NEBL: variants seen among roughly 807,000 people sequenced by gnomAD.
NEBL encodes nebulette.
NEBL carries 122 observed loss-of-function variants against 140.2 expected under a neutral mutation model. The ratio of observed to expected loss-of-function variants is 0.87; its 90% CI spans 0.75 to 1.01. NEBL has a LOEUF of 1.01. Among genes scored for constraint, NEBL ranks in the 50% least tolerant of loss-of-function variants. NEBL has a pLI of 0.00. For synonymous variants in NEBL, 436 were observed against 398.9 expected, an observed-to-expected ratio of 1.09 and a Z score of -1.11; for missense variants, 1,365 against 1,231.3, an observed-to-expected ratio of 1.11 and a Z score of -1.62.
intron 3 of NEBL, among the ~76,000 whole-genome samples, chr10:21,205,486 C>T (rs1841810232): frequency 6.6e-6 from 1 of 152,084 alleles, no homozygotes; most frequent in Non-Finnish European, 1.5e-5. Context: ...TTAAAAGTGA[C>T]ATTGCAGAAG....
intron 1 of NEBL, among the ~76,000 whole-genome samples, chr10:21,258,577 C>T (rs1488756353): frequency 5.3e-5 from 8 of 151,326 alleles, no homozygotes; most frequent in African/African-American, 1.2e-4. Flanking sequence ...TGGTGGCGGG[C>T]GCCTGTAATC....
chr10:20,793,557 CTT>C (rs781461906), intron 26 of NEBL, among the ~76,000 whole-genome samples: 59 of 140,840 alleles, frequency 4.2e-4, no homozygotes, highest in Admixed American at 5.7e-4. Flanking sequence ...TCTTTCTTTT[CTT>C]TTTTTTTTTT....
intron 15 of NEBL, 34 bp from the exon 16 acceptor site, chr10:20,831,340 T>G: frequency 6.4e-7 from 1 of 1,556,562 alleles, no homozygotes; most frequent in African/African-American, 1.4e-5. Context: ...AGAGCTTTGC[T>G]TAAGCTTTAA....
chr10:21,146,336 C>T (rs887055081), intron 2 of NEBL: 3 of 1,608,076 alleles, frequency 1.9e-6, no homozygotes, highest in Non-Finnish European at 2.5e-6. Flanking sequence ...CCAACACATA[C>T]TCTACCTGTT....
In NEBL at chr10:21,160,245, A is replaced by T. The variant is rs1840502486; in HGVS notation, c.164+12138T>A. On this transcript the variant is annotated intron_variant, in intron 2 of 6. Coordinates refer to the NEBL transcript ENST00000417816. ...AACGTCTGCCAAACTGCCATTCTGC[A>T]GGACACTTCCTGGGCAGCAGCCCCC... 2.6e-5 allele frequency among the ~76,000 whole-genome samples: 4 copies of T among 152,114 alleles called. No homozygotes were observed. The South Asian group carries it at 8.3e-4, about 32-fold the overall frequency.
chr10:20,947,479 G>C (rs1184138059), intron 4 of NEBL, among the ~76,000 whole-genome samples: 1 of 152,020 alleles, frequency 6.6e-6, no homozygotes, highest in East Asian at 1.9e-4. Context: ...CTACCTCCCA[G>C]TTTTTGGTGT....
Position 20,888,117 on chromosome 10 carries a change from C to A in NEBL, c.349G>T (p.Val117Phe). The A allele has an allele frequency of 1.2e-6, 2 of 1,612,756 alleles. No individual in the cohort carries two copies. The highest frequency in any genetic ancestry group is 1.7e-6 in the Non-Finnish European group (2 of 1,178,780). The change falls in exon 4 of 28, where the codon GTT becomes TTT. Residue 117 changes from valine to phenylalanine, a missense_variant. By Grantham distance (50) the Val-to-Phe change is conservative (BLOSUM62 -1). Transcript: ENST00000377122. Reference sequence around the variant, plus strand: ...CCTACCTCACTCTGGAGCTGTGTAACTTCTCCTGCAAAAACACTGTCAATT... The same window carrying A: ...CCTACCTCACTCTGGAGCTGTGTAAATTCTCCTGCAAAAACACTGTCAATT... ...ATIDSVFAGEVTQLQSEVAYK... is the reference protein window; with the variant it reads ...ATIDSVFAGEFTQLQSEVAYK...
intron 13 of NEBL, 80 bp downstream of exon 13, chr10:20,840,659 T>G: frequency 1.1e-6 from 1 of 944,380 alleles, no homozygotes; most frequent in Admixed American, 1.9e-5. Flanking sequence ...TATAGATGTA[T>G]AGAACCTTTG....
At chr10:21,134,636 T>G (rs900381057) in intron 2 of NEBL, among the ~76,000 whole-genome samples, 18 of 152,240 alleles carry the variant, frequency 1.2e-4, no homozygotes, top group African/African-American at 4.3e-4. Flanking sequence ...GTTAGAAAGC[T>G]TCTAGAACAT....
intron 2 of NEBL, among the ~76,000 whole-genome samples, chr10:21,138,314 G>A (rs996384013): frequency 6.6e-6 from 1 of 151,232 alleles, no homozygotes; most frequent in Non-Finnish European, 1.5e-5. Flanking sequence ...GCGGAATGAT[G>A]GCTTATGGAT....
intron 2 of NEBL, among the ~76,000 whole-genome samples, chr10:21,139,987 C>CAAAAAAAAAAAAAAAA (rs11289396): frequency 1.0e-5 from 1 of 99,688 alleles, no homozygotes; most frequent in African/African-American, 3.3e-5. Context: ...CCTGTCTCAA[C>CAAAAAAAAAAAAAAAA]AAAAAAAAAA....
In NEBL at chr10:20,783,336, A is replaced by T. The variant is rs1404400611; in HGVS notation, c.*2411T>A. ...AGCATGCAACATCTTGTTCAGTTTTAGTCTTCATTGTAAAACAACTACCCT... is the reference window on the plus strand; with the variant it reads ...AGCATGCAACATCTTGTTCAGTTTTTGTCTTCATTGTAAAACAACTACCCT... On this transcript the variant is annotated 3_prime_UTR_variant, in exon 28 of 28. Transcript: ENST00000377122. 1 of 152,202 alleles carries T rather than the reference A, an allele frequency of 6.6e-6. No individual in the cohort carries two copies. Among genetic ancestry groups the T allele is most frequent in the Non-Finnish European group, 1.5e-5 (1 of 68,028 alleles). The allele number at this position is 152,202 out of a possible 1,614,324, so 9.4% of individuals were successfully genotyped here. A position where few individuals can be genotyped will look rare whatever the true frequency, so the allele number is the denominator to read the frequency against.
intron 2 of NEBL, among the ~76,000 whole-genome samples, chr10:21,070,452 T>TC (rs1463575945): frequency 6.6e-6 from 1 of 152,166 alleles, no homozygotes; most frequent in Non-Finnish European, 1.5e-5. Context: ...TTTCATTTGT[T>TC]CCCCAGGAGA....
intron 9 of NEBL, among the ~76,000 whole-genome samples, chr10:20,855,809 C>T (rs1843016111): frequency 6.6e-6 from 1 of 152,234 alleles, no homozygotes; most frequent in South Asian, 2.1e-4. Context: ...ATAAAAGTAA[C>T]TCTGATGTTG....
At chr10:21,226,955 C>T (rs541576577) in intron 3 of NEBL, among the ~76,000 whole-genome samples, 1 of 152,122 alleles carries the variant, frequency 6.6e-6, no homozygotes, top group African/African-American at 2.4e-5. Flanking sequence ...TCCACCTCCC[C>T]ACTACTATTT....
intron 24 of NEBL, 94 bp downstream of exon 24, chr10:20,812,675 G>T: frequency 7.0e-7 from 1 of 1,437,812 alleles, no homozygotes. Context: ...AACATGTGAT[G>T]AGGAGTCAGA....
intron 3 of NEBL, among the ~76,000 whole-genome samples, chr10:21,219,449 C>T (rs118167688): frequency 0.013 from 1,905 of 152,168 alleles, 21 homozygotes; most frequent in Non-Finnish European, 0.021. Context: ...CAAATAAGCT[C>T]ATTTTGGCAT....
chr10:21,271,959 G>A (rs1248034704), intron 1 of NEBL, among the ~76,000 whole-genome samples: 1 of 151,456 alleles, frequency 6.6e-6, no homozygotes, highest in Non-Finnish European at 1.5e-5. Flanking sequence ...ATCTTAAATA[G>A]AAACAATTTT....
rs1007872231 is a variant in NEBL, at chr10:20,780,777, T to G, written c.*4970A>C. 3 of 152,224 alleles carry G rather than the reference T, an allele frequency of 2.0e-5. No homozygotes were observed. Among genetic ancestry groups the G allele is most frequent in the African/African-American group, 7.2e-5 (3 of 41,474 alleles). 9.4% of individuals were successfully genotyped at this position (152,224 alleles called of 1,614,324 possible). On this transcript the variant is annotated 3_prime_UTR_variant, in exon 28 of 28. Transcript: ENST00000377122. ...GAGTGCATTTGAGAACGCAGTTCTA[T>G]CATAGGAGACCACTTGCAGGGAACA... is the stretch of plus-strand genomic sequence containing the variant.
Sources: gnomAD v4.1 joint callset for allele counts (sites outside exome capture counted in the v4.1 genomes callset) on GRCh38, gnomAD v4.1.1 for gene constraint, MANE v1.5 for transcripts, NCBI Gene and HGNC (gene_info 2026-07-23, HGNC 2026-07-21) for gene names.